The following GPC6 variants were observed in gnomAD, a reference collection of about 807,000 sequenced individuals.
GPC6 encodes the protein glypican 6, also known as glypican-6.
Under a neutral mutation model 55.2 loss-of-function variants are expected in GPC6, and 14 were observed. The observed-to-expected ratio is 0.25, with a 90% CI of 0.17 to 0.40. The LOEUF is 0.40. Ranked by LOEUF, GPC6 falls within the 10% of genes least tolerant of loss-of-function variation. The probability of loss-of-function intolerance (pLI) is 1.00; values close to 1 mark genes in which losing one functional copy is unlikely to be tolerated. For missense variants in GPC6, 641 were observed against 708.5 expected (o/e 0.90, Z 1.08); for synonymous variants, 278 against 259.6 (o/e 1.07, Z -0.68).
In GPC6 at chr13:93,525,784, A is replaced by G. The variant is rs186174806; in HGVS notation, c.161-19479A>G. 2.3e-4 allele frequency among the ~76,000 whole-genome samples: 35 copies of G among 152,220 alleles called. No homozygotes were observed. In the East Asian group the frequency reaches 5.8e-3, roughly 25 times the overall value. On this transcript the variant is annotated intron_variant, in intron 1 of 8. Coordinates refer to ENST00000377047, the MANE Select transcript of GPC6 (RefSeq NM_005708.5). ...TTATAGGTGCCAGAGCTATCTCCTT[A>G]TAATAGTAGGCATTCAATATATGAC...
At chr13:93,655,624 T>C (rs1880625787) in intron 2 of GPC6, among the ~76,000 whole-genome samples, 2 of 152,166 alleles carry the variant, frequency 1.3e-5, no homozygotes, top group Admixed American at 6.6e-5. Context: ...ACAGGAAACT[T>C]ACCCTGAAAA....
At chr13:93,680,281 G>A (rs1392575999) in intron 2 of GPC6, among the ~76,000 whole-genome samples, 1 of 152,128 alleles carries the variant, frequency 6.6e-6, no homozygotes, top group Non-Finnish European at 1.5e-5. Flanking sequence ...AAGCCAAGGA[G>A]AGGGTCCTGG....
chr13:93,628,355 C>T (rs1205916022), intron 2 of GPC6, among the ~76,000 whole-genome samples: 1 of 152,180 alleles, frequency 6.6e-6, no homozygotes, highest in Non-Finnish European at 1.5e-5. Flanking sequence ...GTAATGCAGG[C>T]ACAACTAATG....
chr13:93,886,974 C>A (rs1356272400), intron 3 of GPC6, among the ~76,000 whole-genome samples: 1 of 151,922 alleles, frequency 6.6e-6, no homozygotes, highest in Non-Finnish European at 1.5e-5. Flanking sequence ...ATGGTACATG[C>A]ATTATTCACT....
intron 3 of GPC6, among the ~76,000 whole-genome samples, chr13:94,002,792 C>T (rs1421711910): frequency 1.3e-5 from 2 of 152,084 alleles, no homozygotes; most frequent in Non-Finnish European, 2.9e-5. Flanking sequence ...ACAAAGATCT[C>T]AAAGACAGTT....
At chr13:94,292,090 T>C (rs755732580) in intron 5 of GPC6, among the ~76,000 whole-genome samples, 1 of 152,222 alleles carries the variant, frequency 6.6e-6, no homozygotes, top group Non-Finnish European at 1.5e-5. Flanking sequence ...ACATGGTTTC[T>C]ATTGTGTAAT....
At chr13:94,050,116 A>C (rs1883889069) in intron 4 of GPC6, among the ~76,000 whole-genome samples, 1 of 152,136 alleles carries the variant, frequency 6.6e-6, no homozygotes, top group South Asian at 2.1e-4. Flanking sequence ...AGTCTCGGGT[A>C]GGTCTTTATC....
chr13:94,351,056 T>G (rs929465612), intron 6 of GPC6, among the ~76,000 whole-genome samples: 4 of 152,000 alleles, frequency 2.6e-5, no homozygotes. Flanking sequence ...TTTAGATGAG[T>G]GGGTAAGAAA....
intron 2 of GPC6, among the ~76,000 whole-genome samples, chr13:93,822,845 T>C (rs1348951503): frequency 6.8e-6 from 1 of 146,960 alleles, no homozygotes; most frequent in African/African-American, 2.6e-5. Context: ...ATTATTATTA[T>C]TATTATTATT....
At chr13:93,453,829 G>C (rs925656670) in intron 1 of GPC6, among the ~76,000 whole-genome samples, 15 of 152,088 alleles carry the variant, frequency 9.9e-5, no homozygotes, top group Non-Finnish European at 1.6e-4. Flanking sequence ...ACAGTGAGCA[G>C]TAGCAAGATT....
intron 1 of GPC6, among the ~76,000 whole-genome samples, chr13:93,265,928 C>T (rs181585046): frequency 6.6e-6 from 1 of 152,042 alleles, no homozygotes; most frequent in African/African-American, 2.4e-5. Flanking sequence ...AAGGAGTTGT[C>T]CTGATATTCA....
intron 4 of GPC6, among the ~76,000 whole-genome samples, chr13:94,224,005 T>A (rs1332672958): frequency 6.6e-6 from 1 of 152,080 alleles, no homozygotes; most frequent in Non-Finnish European, 1.5e-5. Flanking sequence ...TGTGGTCCAT[T>A]TAGTGCCATT....
intron 4 of GPC6, among the ~76,000 whole-genome samples, chr13:94,115,029 G>T (rs893938998): frequency 6.6e-6 from 1 of 152,152 alleles, no homozygotes; most frequent in Non-Finnish European, 1.5e-5. Context: ...ATGGTTAAAT[G>T]TGTGATAAGA....
chr13:93,286,663 C>T (rs538124153), intron 1 of GPC6, among the ~76,000 whole-genome samples: 9 of 152,206 alleles, frequency 5.9e-5, no homozygotes, highest in Non-Finnish European at 1.2e-4. Context: ...TGACCGTTGA[C>T]TCCTTGTAGG....
Position 93,906,355 on chromosome 13 carries a change from A to G in GPC6, c.711+75810A>G, listed in dbSNP as rs142458783. ...CCAAACTCTCAGAGAAGGAACCCCA[A>G]AAGGTTCACTGCATATACTGAACAG... On this transcript the variant is annotated intron_variant, in intron 3 of 8. Transcript: ENST00000377047. Among the ~76,000 whole-genome samples the G allele has an allele frequency of 2.1e-3, 324 of 152,264 alleles. 1 individual carries two copies. The highest frequency in any genetic ancestry group is 7.2e-3 in the African/African-American group (298 of 41,550).
chr13:93,576,988 A>C (rs756382925), intron 2 of GPC6, among the ~76,000 whole-genome samples: 7 of 152,132 alleles, frequency 4.6e-5, no homozygotes, highest in Non-Finnish European at 1.0e-4. Flanking sequence ...TTTTTCACTC[A>C]ATGCTACCCA....
At chr13:93,973,941 C>T (rs574638596) in intron 3 of GPC6, among the ~76,000 whole-genome samples, 80 of 152,272 alleles carry the variant, frequency 5.3e-4, no homozygotes, top group African/African-American at 1.9e-3. Flanking sequence ...CAGAGTAGTA[C>T]GTTTCTTTCA....
At chr13:93,507,883 A>G (rs1880798743) in intron 1 of GPC6, among the ~76,000 whole-genome samples, 1 of 152,136 alleles carries the variant, frequency 6.6e-6, no homozygotes, top group Non-Finnish European at 1.5e-5. Context: ...AGCATATGAA[A>G]AAAAAAAAGT....
chr13:93,945,618 C>G (rs1420120930), intron 3 of GPC6, among the ~76,000 whole-genome samples: 4 of 152,200 alleles, frequency 2.6e-5, no homozygotes, highest in Non-Finnish European at 5.9e-5. Context: ...AAGACATTGA[C>G]CAAGTTCTGA....
Sources: allele counts gnomAD v4.1 joint callset (sites outside exome capture counted in the v4.1 genomes callset), GRCh38; gene constraint gnomAD v4.1.1; transcripts MANE v1.5; gene names NCBI Gene and HGNC (gene_info 2026-07-23, HGNC 2026-07-21).